CEP164: variants seen among roughly 807,000 people sequenced by gnomAD.
CEP164 encodes the protein centrosomal protein 164, also known as centrosomal protein of 164 kDa.
Under a neutral mutation model 182.7 loss-of-function variants are expected in CEP164, and 162 were observed. The ratio of observed to expected loss-of-function variants is 0.89; its 90% CI spans 0.78 to 1.01. The LOEUF (loss-of-function observed/expected upper bound fraction) is 1.01. Ranked by LOEUF, CEP164 falls within the 50% of genes least tolerant of loss-of-function variation. CEP164 has a pLI of 0.00. For missense variants in CEP164, 1,735 were observed against 1,790.4 expected (o/e 0.97, Z 0.56); for synonymous variants, 661 against 690.0 (o/e 0.96, Z 0.66).
intron 4 of CEP164, among the ~76,000 whole-genome samples, chr11:117,344,963 A>T (rs2038683840): frequency 1.3e-5 from 2 of 152,000 alleles, no homozygotes; most frequent in Admixed American, 6.6e-5. Flanking sequence ...TAAAACTACT[A>T]CTTAAAAAGA....
At chr11:117,384,023 C>T (rs1194730124) in intron 14 of CEP164, among the ~76,000 whole-genome samples, 7 of 152,122 alleles carry the variant, frequency 4.6e-5, no homozygotes, top group African/African-American at 9.7e-5. Context: ...GCAACAAGAG[C>T]GAAACTCTGT....
chr11:117,411,867 A>G lies in CEP164; in HGVS notation c.4236A>G (p.Ile1412Met). 1.2e-6 allele frequency: 2 copies of G among 1,614,122 alleles called. No individual in the cohort carries two copies. The highest frequency in any genetic ancestry group is 2.7e-5 in the African/African-American group (2 of 75,040). Reference protein sequence around the residue: ...PEAGSTTFQGIIEANRRWLER... With the variant: ...PEAGSTTFQGMIEANRRWLER... The stretch of plus-strand genomic sequence containing the variant: ...CGGGCAGCACCACCTTTCAGGGCAT[A>G]ATTGAGGCCAACCGGAGGTGGCTGG... The change falls in exon 32 of 33, where the codon ATA becomes ATG. Residue 1412 changes from isoleucine to methionine, a missense_variant. Physicochemically the swap from Ile to Met is conservative, Grantham distance 10. Coordinates refer to ENST00000278935, the MANE Select transcript of CEP164 (RefSeq NM_014956.5). This position sits in a 1 kb window ranked among gnomAD's most constrained non-coding sequence, Gnocchi z 4.4.
Position 117,387,233 on chromosome 11 carries a change from G to A in CEP164, c.1755G>A (p.Glu585=), listed in dbSNP as rs748382180. 7 of 1,614,166 alleles carry A rather than the reference G, an allele frequency of 4.3e-6. No individual in the cohort carries two copies. Among genetic ancestry groups the A allele is most frequent in the Admixed American group, 1.7e-5 (1 of 60,032 alleles). ...VRSTEPVAPP[E]QLSEAALKAM... ...CCACAGAGCCTGTGGCTCCCCCAGA[G>A]CAGCTCTCAGAGGCTGCACTAAAGG... The change falls in exon 15 of 33, where the codon GAG becomes GAA. Residue 585 remains glutamate (E), a synonymous_variant. Coordinates refer to ENST00000278935, the MANE Select transcript of CEP164 (RefSeq NM_014956.5).
At chr11:117,333,054 C>T (rs1379646073) in intron 1 of CEP164, among the ~76,000 whole-genome samples, 1 of 152,090 alleles carries the variant, frequency 6.6e-6, no homozygotes, top group Non-Finnish European at 1.5e-5. Context: ...GCCCTGTCAC[C>T]CAGGCTGGAG....
upstream of CEP164, among the ~76,000 whole-genome samples, chr11:117,326,625 C>T (rs1436192066): frequency 6.6e-6 from 1 of 152,158 alleles, no homozygotes; most frequent in Non-Finnish European, 1.5e-5. Context: ...TCATGGTCTT[C>T]CCTGGCTCCA....
Position 117,375,748 on chromosome 11 carries a change from A to G in CEP164, c.1274A>G (p.Asp425Gly). ...FRSRISEHLL[D>G]VDVLSPVLGG... ...AGCCGGATCTCGGAGCACCTGCTGG[A>G]TGTTGATGTGCTTTCCCCAGTCCTG... The change falls in exon 11 of 33, where the codon GAT becomes GGT. Residue 425 changes from aspartate (D) to glycine (G), a missense_variant. Physicochemically the swap from Asp to Gly is moderately conservative, Grantham distance 94. Coordinates refer to ENST00000278935, the MANE Select transcript of CEP164 (RefSeq NM_014956.5). 6.2e-7 allele frequency: 1 copy of G among 1,614,050 alleles called. No individual in the cohort carries two copies. Among genetic ancestry groups the G allele is most frequent in the Non-Finnish European group, 8.5e-7 (1 of 1,179,994 alleles).
intron 4 of CEP164, among the ~76,000 whole-genome samples, chr11:117,350,149 T>G (rs2135408325): frequency 6.6e-6 from 1 of 152,272 alleles, no homozygotes; most frequent in East Asian, 1.9e-4. Context: ...CGTCAGGTGA[T>G]CCACCTGCCT....
intron 5 of CEP164, chr11:117,359,386 A>G (rs1368258385): frequency 1.0e-6 from 1 of 984,556 alleles, no homozygotes; most frequent in Non-Finnish European, 1.2e-6. Flanking sequence ...GGCTGGTGTT[A>G]CGATTATCAG....
intron 19 of CEP164, 89 bp downstream of exon 19, chr11:117,392,716 A>G: frequency 1.3e-6 from 2 of 1,531,620 alleles, no homozygotes; most frequent in Non-Finnish European, 1.8e-6. Flanking sequence ...AGCGGCCTCC[A>G]GTTTGCTTTG....
chr11:117,324,197 A>T (rs1221506089), upstream of CEP164, among the ~76,000 whole-genome samples: 1 of 152,120 alleles, frequency 6.6e-6, no homozygotes, highest in Non-Finnish European at 1.5e-5. Flanking sequence ...TTGTAATCCC[A>T]GCATTTTGGG....
At chr11:117,375,369 A>G (rs2042631837) in intron 10 of CEP164, among the ~76,000 whole-genome samples, 1 of 152,188 alleles carries the variant, frequency 6.6e-6, no homozygotes, top group Non-Finnish European at 1.5e-5. Flanking sequence ...CTGTGGGATG[A>G]GGGAAAGAGT....
chr11:117,338,721 A>C, intron 3 of CEP164, 53 bp downstream of exon 3: 1 of 1,352,188 alleles, frequency 7.4e-7, no homozygotes, highest in Non-Finnish European at 1.1e-6. Flanking sequence ...TTTTGAGGAC[A>C]GGGATTGTCT....
At chr11:117,384,449 G>C (rs1228320833) in intron 14 of CEP164, 1 of 152,264 alleles carries the variant, frequency 6.6e-6, no homozygotes, top group Non-Finnish European at 1.5e-5. Context: ...TTTCTGTGAG[G>C]ACAGGAGGTG....
At chr11:117,357,920 C>T (rs2040488742) in intron 5 of CEP164, among the ~76,000 whole-genome samples, 1 of 152,146 alleles carries the variant, frequency 6.6e-6, no homozygotes, top group Non-Finnish European at 1.5e-5. Context: ...CTGACCTTGC[C>T]CTATCATTCT....
In CEP164 at chr11:117,375,833, T is replaced by TC. The variant is rs751078985; in HGVS notation, c.1317+45dup. ...GGTGGGCTGAGCTGGGGCCTCATTT[T>TC]CCCTCACAACTTTTTCGGATGACCC... On this transcript the variant is annotated intron_variant, in intron 11 of 32. Coordinates refer to ENST00000278935, the MANE Select transcript of CEP164 (RefSeq NM_014956.5). 8.2e-6 allele frequency: 13 copies of TC among 1,587,916 alleles called. No individual in the cohort carries two copies. In the African/African-American group the frequency reaches 1.7e-4, roughly 21 times the overall value.
intron 4 of CEP164, among the ~76,000 whole-genome samples, chr11:117,348,374 G>C (rs760354711): frequency 1.3e-5 from 2 of 152,120 alleles, no homozygotes; most frequent in Non-Finnish European, 2.9e-5. Flanking sequence ...CAAGTTGTTT[G>C]TAGAGTTGAA....
At chr11:117,398,552 C>CT (rs2045771252) in intron 27 of CEP164, among the ~76,000 whole-genome samples, 2 of 152,282 alleles carry the variant, frequency 1.3e-5, no homozygotes, top group Admixed American at 6.5e-5. Context: ...CTGTAGCAGA[C>CT]TTTTTTCTGG....
chr11:117,393,367 C>T (rs1238287914), intron 20 of CEP164, among the ~76,000 whole-genome samples: 1 of 152,116 alleles, frequency 6.6e-6, no homozygotes, highest in Non-Finnish European at 1.5e-5. Context: ...AGAAAAACCT[C>T]CACCTAATGG....
chr11:117,396,017 C>A, intron 24 of CEP164, 37 bp from the exon 25 acceptor site: 1 of 1,613,036 alleles, frequency 6.2e-7, no homozygotes, highest in Non-Finnish European at 8.5e-7. Flanking sequence ...CCATCGCCAG[C>A]CGCTGCCCTG....
Sources: gnomAD v4.1 joint callset for allele counts (sites outside exome capture counted in the v4.1 genomes callset) on GRCh38, gnomAD v4.1.1 for gene constraint, Gnocchi (gnomAD v3.1) non-coding constraint, MANE v1.5 for transcripts, NCBI Gene and HGNC (gene_info 2026-07-23, HGNC 2026-07-21) for gene names.